The following TIMM9 variants were observed in gnomAD, a reference collection of about 807,000 sequenced individuals.
The protein encoded by TIMM9 is mitochondrial import inner membrane translocase subunit Tim9.
Under a neutral mutation model 13.4 loss-of-function variants are expected in TIMM9, and 10 were observed. The observed-to-expected ratio is 0.75, with a 90% confidence interval of 0.46 to 1.26. The LOEUF (loss-of-function observed/expected upper bound fraction) is 1.26. TIMM9 is among the 50% of genes most tolerant of loss of function. The pLI, the probability that TIMM9 is intolerant of heterozygous loss-of-function variation, is 0.00. For synonymous variants in TIMM9, 32 were observed against 32.1 expected (o/e 1.00, Z 0.01); for missense variants, 87 against 100.8 (o/e 0.86, Z 0.58).
At chr14:58,418,139 T>C (rs926893814) in intron 3 of TIMM9, among the ~76,000 whole-genome samples, 1 of 152,092 alleles carries the variant, frequency 6.6e-6, no homozygotes, top group African/African-American at 2.4e-5. Flanking sequence ...CCAAGAAGGG[T>C]TTATTCCAGG....
At chr14:58,425,551 A>G (rs1342778499) in intron 2 of TIMM9, among the ~76,000 whole-genome samples, 1 of 152,060 alleles carries the variant, frequency 6.6e-6, no homozygotes, top group East Asian at 1.9e-4. Flanking sequence ...CTGGAAAAAA[A>G]AAAAAAAAGA....
chr14:58,426,235 T>G (rs2036785686), intron 2 of TIMM9, among the ~76,000 whole-genome samples: 1 of 151,764 alleles, frequency 6.6e-6, no homozygotes, highest in South Asian at 2.1e-4. Context: ...TAAGACAGTC[T>G]TGATCTGTCA....
intron 3 of TIMM9, among the ~76,000 whole-genome samples, chr14:58,422,169 G>A (rs1388589459): frequency 6.7e-6 from 1 of 149,420 alleles, no homozygotes; most frequent in Non-Finnish European, 1.5e-5. Context: ...AGGCTGGAGT[G>A]CAATGGCACA....
At chr14:58,417,575 G>A (rs1466022375) in intron 3 of TIMM9, among the ~76,000 whole-genome samples, 2 of 138,978 alleles carry the variant, frequency 1.4e-5, no homozygotes, top group African/African-American at 2.6e-5. Flanking sequence ...GAGCGTGGGA[G>A]GGAGGGAAAG....
chr14:58,422,243 G>A (rs1235765748), intron 3 of TIMM9, among the ~76,000 whole-genome samples: 4 of 151,524 alleles, frequency 2.6e-5, no homozygotes, highest in African/African-American at 9.7e-5. Flanking sequence ...AGCCTCCCAA[G>A]CAGTTGGGAT....
chr14:58,419,451 T>TCACACACACACACACACACA (rs67147520), intron 3 of TIMM9, among the ~76,000 whole-genome samples: 50 of 112,858 alleles, frequency 4.4e-4, no homozygotes, highest in East Asian at 5.1e-4. Flanking sequence ...TGAGACCCCG[T>TCACACACACACACACACACA]CACACACACA....
In TIMM9 at chr14:58,419,512, T is replaced by TAC. The variant is rs1010935066; in HGVS notation, c.-27+4494_-27+4495dup. Among the ~76,000 whole-genome samples, 258 of 77,410 alleles carry TAC rather than the reference T, an allele frequency of 3.3e-3. 1 individual carries two copies. Among genetic ancestry groups the TAC allele is most frequent in the Non-Finnish European group, 4.7e-3 (165 of 34,868 alleles). The allele number at this position is 77,410 out of a possible 152,430, so 50.8% of individuals were successfully genotyped here. The stretch of plus-strand genomic sequence containing the variant: ...ACACACACACACACACACAAACACA[T>TAC]ACACACACACACACACAAAAATACA... On this transcript the variant is annotated intron_variant, in intron 3 of 5. Transcript: ENST00000395159.
At chr14:58,418,648 A>G (rs1216257805) in intron 3 of TIMM9, among the ~76,000 whole-genome samples, 2 of 152,248 alleles carry the variant, frequency 1.3e-5, no homozygotes, top group Non-Finnish European at 2.9e-5. Context: ...TTGTATTTCT[A>G]TATACCATCA....
intron 2 of TIMM9, among the ~76,000 whole-genome samples, chr14:58,424,876 A>C (rs2036688763): frequency 6.6e-6 from 1 of 151,674 alleles, no homozygotes; most frequent in African/African-American, 2.4e-5. Context: ...CAAAGAAAAA[A>C]CGTATAAGCT....
intron 3 of TIMM9, among the ~76,000 whole-genome samples, chr14:58,422,301 G>A (rs1566754256): frequency 6.6e-6 from 1 of 151,912 alleles, no homozygotes; most frequent in Non-Finnish European, 1.5e-5. Flanking sequence ...TTTTAGTAGA[G>A]ACGGGGGTTT....
rs549565309 is a variant in TIMM9 at position 58,411,309 on chromosome 14, G to A, written c.40-371C>T. Among the ~76,000 whole-genome samples the A allele has an allele frequency of 1.3e-4, 19 of 151,970 alleles. 1 individual carries two copies. The highest frequency in any genetic ancestry group is 4.1e-4 in the African/African-American group (17 of 41,500). On this transcript the variant is annotated intron_variant, in intron 4 of 5. Coordinates refer to ENST00000395159, the MANE Select transcript of TIMM9 (RefSeq NM_012460.4). ...ATAAAAATACAAAAATTAGCCAGGC[G>A]TGGTGGCGCATGCCTGTAATCCCAG...
intron 4 of TIMM9, among the ~76,000 whole-genome samples, chr14:58,411,452 A>G (rs2036213258): frequency 6.6e-6 from 1 of 151,974 alleles, no homozygotes; most frequent in African/African-American, 2.4e-5. Context: ...TGTCCAAAAA[A>G]AAAAAGAACA....
intron 3 of TIMM9, among the ~76,000 whole-genome samples, chr14:58,417,187 G>C (rs1464665174): frequency 6.6e-6 from 1 of 152,042 alleles, no homozygotes; most frequent in Non-Finnish European, 1.5e-5. Context: ...CCAGCCATGT[G>C]GAACTGTAAG....
intron 3 of TIMM9, among the ~76,000 whole-genome samples, chr14:58,420,413 A>G (rs2036553572): frequency 1.3e-5 from 2 of 152,204 alleles, no homozygotes; most frequent in Admixed American, 1.3e-4. Flanking sequence ...GTAAAAAGGT[A>G]TTTCAGCAAA....
At chr14:58,419,419 C>A (rs957702170) in intron 3 of TIMM9, among the ~76,000 whole-genome samples, 1 of 149,068 alleles carries the variant, frequency 6.7e-6, no homozygotes, top group African/African-American at 2.5e-5. Context: ...TGCGCCACTA[C>A]GCTCCAGTCT....
intron 3 of TIMM9, among the ~76,000 whole-genome samples, chr14:58,412,933 AAAAT>A (rs1378492843): frequency 6.6e-6 from 1 of 152,084 alleles, no homozygotes; most frequent in Non-Finnish European, 1.5e-5. Flanking sequence ...AATAAAAAGA[AAAAT>A]AAAGGAAATC....
In TIMM9 at chr14:58,409,766, G is replaced by C. The variant is rs192025123; in HGVS notation, c.136-598C>G. Among the ~76,000 whole-genome samples the C allele has an allele frequency of 1.1e-3, 171 of 151,684 alleles. 1 individual carries two copies. The highest frequency in any genetic ancestry group is 2.0e-3 in the Non-Finnish European group (139 of 67,932). ...GCTAATTTTTTGTATTTTTAGTAGAGACGGGGTTTCACTGTGTTAGCCAGG... is the reference window on the plus strand; with the variant it reads ...GCTAATTTTTTGTATTTTTAGTAGACACGGGGTTTCACTGTGTTAGCCAGG... On this transcript the variant is annotated intron_variant, in intron 5 of 5. Coordinates refer to ENST00000395159, the MANE Select transcript of TIMM9 (RefSeq NM_012460.4).
rs943616723 is a variant in TIMM9, at chr14:58,412,067, C to A, written c.-26-96G>T. 4.5e-6 allele frequency: 4 copies of A among 885,942 alleles called. No homozygotes were observed. The African/African-American group carries it at 5.0e-5, about 11-fold the overall frequency. The allele number at this position is 885,942 out of a possible 1,614,324, so 54.9% of individuals were successfully genotyped here. On this transcript the variant is annotated intron_variant, in intron 3 of 5. Coordinates refer to ENST00000395159, the MANE Select transcript of TIMM9 (RefSeq NM_012460.4). ...GAATCACTGCTCGTATTTTATAAAT[C>A]TGTGTATGTAATTGTATGCCACCAC...
In TIMM9 at chr14:58,411,958, C is replaced by T. The variant is rs1412006716; in HGVS notation, c.-13G>A. On this transcript the variant is annotated 5_prime_UTR_variant, in exon 4 of 6. Transcript: ENST00000395159. Reference sequence around the variant, plus strand: ...TTTGTGCAGCCATATTCTTCTGGTACCTTTATTAGTCACCTAATTTAAAAA... The same window carrying T: ...TTTGTGCAGCCATATTCTTCTGGTATCTTTATTAGTCACCTAATTTAAAAA... 6.2e-7 allele frequency: 1 copy of T among 1,612,518 alleles called. No homozygotes were observed.
Sources: allele counts gnomAD v4.1 joint callset (sites outside exome capture counted in the v4.1 genomes callset), GRCh38; gene constraint gnomAD v4.1.1; transcripts MANE v1.5; gene names NCBI Gene and HGNC (gene_info 2026-07-23, HGNC 2026-07-21).